SERINC5: variants seen among roughly 807,000 people sequenced by gnomAD.
SERINC5 encodes serine incorporator 5.
SERINC5 carries 41 observed loss-of-function variants against 63.1 expected under a neutral mutation model. That is an observed-to-expected ratio of 0.65 (90% CI 0.51 to 0.84). SERINC5 has a LOEUF of 0.84. SERINC5 is among the 40% of genes least tolerant of loss of function. The pLI is 0.00. For synonymous variants in SERINC5, 222 were observed against 215.2 expected (o/e 1.03, Z -0.28); for missense variants, 523 against 573.0 (o/e 0.91, Z 0.89).
chr5:80,127,923 C>G (rs148057119), intron 11 of SERINC5, among the ~76,000 whole-genome samples: 197 of 152,160 alleles, frequency 1.3e-3, no homozygotes, highest in African/African-American at 4.4e-3. Context: ...TGAAAACATA[C>G]TGAACTTAAA....
intron 1 of SERINC5, among the ~76,000 whole-genome samples, chr5:80,208,713 C>A (rs946449831): frequency 6.6e-6 from 1 of 152,198 alleles, no homozygotes; most frequent in Non-Finnish European, 1.5e-5. Context: ...TGCTTGCAAT[C>A]CTTCCAGAAA....
chr5:80,252,052 CTTTTCCTTTTT>C (rs1415969631), intron 1 of SERINC5, among the ~76,000 whole-genome samples: 1 of 135,474 alleles, frequency 7.4e-6, no homozygotes, highest in Non-Finnish European at 1.6e-5. Flanking sequence ...ATTTTCTTTT[CTTTTCCTTTTT>C]TTTTTTTTTT....
At chr5:80,185,909 G>A (rs1369048568) in intron 2 of SERINC5, among the ~76,000 whole-genome samples, 1 of 152,018 alleles carries the variant, frequency 6.6e-6, no homozygotes, top group African/African-American at 2.4e-5. Flanking sequence ...ATACCTGCAA[G>A]TCACAGGGGA....
chr5:80,169,245 C>CAAACA (rs1052923669), intron 6 of SERINC5, 90 bp downstream of exon 6: 5 of 1,129,802 alleles, frequency 4.4e-6, no homozygotes, highest in South Asian at 1.5e-5. Context: ...TAGTTCCAAA[C>CAAACA]AAACAAAACA....
At chr5:80,245,474 G>A (rs1404476268) in intron 1 of SERINC5, among the ~76,000 whole-genome samples, 1 of 152,178 alleles carries the variant, frequency 6.6e-6, no homozygotes, top group Non-Finnish European at 1.5e-5. Flanking sequence ...TCCAGTCTGT[G>A]AAGAAGCACT....
chr5:80,197,364 A>AGAGAGAGAGAG (rs1749577924), intron 2 of SERINC5, among the ~76,000 whole-genome samples: 1 of 81,178 alleles, frequency 1.2e-5, no homozygotes, highest in African/African-American at 4.6e-5. Flanking sequence ...AGAGAGAGAG[A>AGAGAGAGAGAG]ACGGACCAGA....
chr5:80,197,140 G>A (rs1381156158), intron 2 of SERINC5, among the ~76,000 whole-genome samples: 1 of 151,922 alleles, frequency 6.6e-6, no homozygotes, highest in East Asian at 1.9e-4. Flanking sequence ...CCTGAGGTCA[G>A]GAGTTCGAGA....
chr5:80,168,472 A>G (rs191026785), intron 6 of SERINC5, among the ~76,000 whole-genome samples: 2 of 152,306 alleles, frequency 1.3e-5, no homozygotes, highest in Admixed American at 1.3e-4. Flanking sequence ...AAGTGCTGGG[A>G]TTACAGGCAT....
At chr5:80,186,841 T>C (rs1748839912) in intron 2 of SERINC5, among the ~76,000 whole-genome samples, 1 of 152,238 alleles carries the variant, frequency 6.6e-6, no homozygotes, top group East Asian at 1.9e-4. Flanking sequence ...AGTTGTGTAA[T>C]CGTGTTACTT....
At chr5:80,191,488 A>G (rs1340850786) in intron 2 of SERINC5, among the ~76,000 whole-genome samples, 14 of 102,214 alleles carry the variant, frequency 1.4e-4, no homozygotes, top group Admixed American at 1.3e-3. Flanking sequence ...ACAAAAAAAA[A>G]AAAAAAAGAA....
chr5:80,143,558 G>T lies in SERINC5; in HGVS notation c.*105C>A. ...TTTTTTCTCTCTCAAAGCTTTTTCAGACCCACTCAGGCACAGGGCGCCAGT... is the reference window on the plus strand; with the variant it reads ...TTTTTTCTCTCTCAAAGCTTTTTCATACCCACTCAGGCACAGGGCGCCAGT... On this transcript the variant is annotated 3_prime_UTR_variant, in exon 12 of 12. Coordinates refer to ENST00000507668, the MANE Select transcript of SERINC5 (RefSeq NM_001174072.3). 3 of 1,365,358 alleles carry T rather than the reference G, an allele frequency of 2.2e-6. No homozygotes were observed. The highest frequency in any genetic ancestry group is 1.9e-5 in the South Asian group (1 of 53,244). 84.6% of individuals were successfully genotyped at this position (1,365,358 alleles called of 1,614,324 possible).
rs370968698 is a variant in SERINC5, at chr5:80,150,918, G to A, written c.1017C>T (p.Asp339=). ...GAGCTGCGTATCGCCCCTGCAGAGC[G>A]TCAGAACTCGATCTTGTTGTTGATG... ...CLTSTTRSSS[D]ALQGRYAAPE... is the part of the protein sequence containing the mutation. The change falls in exon 9 of 12, where the codon GAC becomes GAT. Residue 339 remains aspartate, a synonymous_variant. Transcript: ENST00000507668. 9.2e-5 allele frequency: 148 copies of A among 1,613,340 alleles called. 1 individual carries two copies. Among genetic ancestry groups the A allele is most frequent in the South Asian group, 8.1e-4 (74 of 91,072 alleles).
chr5:80,213,646 T>C (rs1042087302), intron 1 of SERINC5, among the ~76,000 whole-genome samples: 2 of 152,176 alleles, frequency 1.3e-5, no homozygotes, highest in African/African-American at 4.8e-5. Context: ...AGCAAGTATC[T>C]GAAGAGGTCA....
At chr5:80,126,086 G>A (rs1744737792) in intron 11 of SERINC5, among the ~76,000 whole-genome samples, 1 of 152,100 alleles carries the variant, frequency 6.6e-6, no homozygotes, top group South Asian at 2.1e-4. Context: ...GAGTACTTTG[G>A]AGTCATTATG....
chr5:80,181,874 A>G (rs1199601390), intron 2 of SERINC5, among the ~76,000 whole-genome samples: 1 of 152,176 alleles, frequency 6.6e-6, no homozygotes, highest in Non-Finnish European at 1.5e-5. Context: ...TGTTTCTTGC[A>G]CAACCAACCA....
At chr5:80,209,478 T>C (rs2112509164) in intron 1 of SERINC5, among the ~76,000 whole-genome samples, 1 of 152,248 alleles carries the variant, frequency 6.6e-6, no homozygotes, top group South Asian at 2.1e-4. Context: ...AGAAGCTGAA[T>C]TTCTGTTGGG....
rs1212760914 is a variant in SERINC5, at chr5:80,142,064, G to A, written c.*1599C>T. The A allele has an allele frequency of 1.0e-6, 1 of 985,284 alleles. No homozygotes were observed. Among genetic ancestry groups the A allele is most frequent in the East Asian group, 1.1e-4 (1 of 8,804 alleles). 61.0% of individuals were successfully genotyped at this position (985,284 alleles called of 1,614,324 possible). On this transcript the variant is annotated 3_prime_UTR_variant, in exon 12 of 12. Coordinates refer to ENST00000507668, the MANE Select transcript of SERINC5 (RefSeq NM_001174072.3). ...AATTCTGCCCAACTCATACAGTAGGGCACAGAAAAAAATGACTAGGCTGAG... is the reference window on the plus strand; with the variant it reads ...AATTCTGCCCAACTCATACAGTAGGACACAGAAAAAAATGACTAGGCTGAG...
At chr5:80,114,008 G>A (rs573946148) in intron 11 of SERINC5, among the ~76,000 whole-genome samples, 2 of 152,050 alleles carry the variant, frequency 1.3e-5, no homozygotes, top group South Asian at 2.1e-4. Context: ...AAGATAACCC[G>A]ATGTTCCCAG....
chr5:80,175,553 G>A (rs1747971923), intron 4 of SERINC5, among the ~76,000 whole-genome samples: 1 of 152,038 alleles, frequency 6.6e-6, no homozygotes, highest in Non-Finnish European at 1.5e-5. Flanking sequence ...ACATCACATG[G>A]GTTCCAATTT....
Sources: gnomAD v4.1 joint callset for allele counts (sites outside exome capture counted in the v4.1 genomes callset) on GRCh38, gnomAD v4.1.1 for gene constraint, MANE v1.5 for transcripts, NCBI Gene and HGNC (gene_info 2026-07-23, HGNC 2026-07-21) for gene names.